CCSER1: variants seen among roughly 807,000 people sequenced by gnomAD.
CCSER1 encodes serine-rich coiled-coil domain-containing protein 1.
Under a neutral mutation model 82.0 loss-of-function variants are expected in CCSER1, and 41 were observed. That is an observed-to-expected ratio of 0.50 (90% CI 0.39 to 0.65). The LOEUF (loss-of-function observed/expected upper bound fraction) is 0.65. Among genes scored for constraint, CCSER1 ranks in the 30% least tolerant of loss-of-function variants. The pLI is 0.00. For missense variants in CCSER1, 1,119 were observed against 1,064.2 expected (o/e 1.05, Z -0.72); for synonymous variants, 414 against 383.9 (o/e 1.08, Z -0.92).
chr4:90,348,883 G>C (rs939753347), intron 3 of CCSER1, among the ~76,000 whole-genome samples: 1 of 152,002 alleles, frequency 6.6e-6, no homozygotes, highest in African/African-American at 2.4e-5. Context: ...CTGGAATGTG[G>C]CTTTGTCCAT....
chr4:90,346,999 A>G (rs192923229), intron 3 of CCSER1, among the ~76,000 whole-genome samples: 21 of 152,210 alleles, frequency 1.4e-4, no homozygotes, highest in Middle Eastern at 3.4e-3. Context: ...TCTATGCCCT[A>G]TGCAGGTGAA....
At chr4:90,915,620 T>C (rs1468192270) in intron 8 of CCSER1, among the ~76,000 whole-genome samples, 3 of 152,090 alleles carry the variant, frequency 2.0e-5, no homozygotes, top group African/African-American at 7.2e-5. Context: ...AGGGATGCCC[T>C]CTCTCACCAC....
At chr4:90,715,395 C>G (rs1741454877) in intron 6 of CCSER1, among the ~76,000 whole-genome samples, 1 of 151,886 alleles carries the variant, frequency 6.6e-6, no homozygotes, top group Non-Finnish European at 1.5e-5. Flanking sequence ...TTGCCATAGC[C>G]TAGTAATTTG....
At chr4:91,282,836 T>C (rs991804099) in intron 10 of CCSER1, among the ~76,000 whole-genome samples, 1 of 152,140 alleles carries the variant, frequency 6.6e-6, no homozygotes, top group Non-Finnish European at 1.5e-5. Flanking sequence ...AAAAACTTAA[T>C]GGTTCTTTAA....
chr4:91,463,181 A>G (rs953194049), intron 10 of CCSER1, among the ~76,000 whole-genome samples: 5 of 152,226 alleles, frequency 3.3e-5, no homozygotes, highest in Admixed American at 3.3e-4. Context: ...ATGATCAGGC[A>G]GCAACATTTG....
chr4:91,498,775 CT>C (rs1325509170), intron 10 of CCSER1, among the ~76,000 whole-genome samples: 1 of 151,762 alleles, frequency 6.6e-6, no homozygotes, highest in Non-Finnish European at 1.5e-5. Context: ...TTTTTATGCA[CT>C]TTTCTCATAA....
chr4:90,536,458 T>A (rs116102123), intron 5 of CCSER1, among the ~76,000 whole-genome samples: 2,132 of 152,318 alleles, frequency 0.014, 52 homozygotes, highest in African/African-American at 0.048. Flanking sequence ...AACATACTCA[T>A]GGCTCATCCA....
chr4:90,173,219 A>T (rs567239546), intron 1 of CCSER1, among the ~76,000 whole-genome samples: 1 of 151,976 alleles, frequency 6.6e-6, no homozygotes, highest in South Asian at 2.1e-4. Context: ...ATATTGCTGA[A>T]GAAGTGCTAC....
chr4:90,308,421 C>T lies in CCSER1; in HGVS notation c.137C>T (p.Pro46Leu). Residue 46 changes from proline (P) to leucine (L), a missense_variant, in exon 2 of 11, where the codon CCT becomes CTT. Coordinates refer to ENST00000509176, the MANE Select transcript of CCSER1 (RefSeq NM_001145065.2). Reference protein sequence around the residue: ...SNTVGVHSSSPSSTNSSSGST... With the variant: ...SNTVGVHSSSLSSTNSSSGST... ...ACAGTTGGTGTCCACAGTTCCTCTCCTTCCAGCACTAACTCAAGCTCAGGT... is the reference window on the plus strand; with the variant it reads ...ACAGTTGGTGTCCACAGTTCCTCTCTTTCCAGCACTAACTCAAGCTCAGGT... 6.2e-7 allele frequency: 1 copy of T among 1,613,850 alleles called. No individual in the cohort carries two copies. The highest frequency in any genetic ancestry group is 8.5e-7 in the Non-Finnish European group (1 of 1,179,832).
At chr4:91,478,266 A>G (rs970918940) in intron 10 of CCSER1, among the ~76,000 whole-genome samples, 2 of 151,892 alleles carry the variant, frequency 1.3e-5, no homozygotes, top group East Asian at 1.9e-4. Flanking sequence ...CTATTCAACT[A>G]CATTTTAGCT....
intron 6 of CCSER1, among the ~76,000 whole-genome samples, chr4:90,715,391 T>C (rs1399421): frequency 0.23 from 34,366 of 151,896 alleles, 4,909 homozygotes; most frequent in African/African-American, 0.4. Context: ...TGCCTTGCCA[T>C]AGCCTAGTAA....
At chr4:90,665,528 AG>A (rs1330195989) in intron 6 of CCSER1, among the ~76,000 whole-genome samples, 1 of 151,934 alleles carries the variant, frequency 6.6e-6, no homozygotes, top group Non-Finnish European at 1.5e-5. Flanking sequence ...TCACTGTGTT[AG>A]CCAGGATGGT....
At chr4:90,507,538 A>G (rs1246424827) in intron 5 of CCSER1, among the ~76,000 whole-genome samples, 1 of 152,084 alleles carries the variant, frequency 6.6e-6, no homozygotes, top group Non-Finnish European at 1.5e-5. Flanking sequence ...ATATATATGT[A>G]TCATATATAG....
At chr4:91,345,790 G>A (rs796877069) in intron 10 of CCSER1, among the ~76,000 whole-genome samples, 3 of 152,200 alleles carry the variant, frequency 2.0e-5, no homozygotes, top group African/African-American at 7.2e-5. Context: ...AGAGTATTAT[G>A]TAGGACAGTT....
intron 10 of CCSER1, among the ~76,000 whole-genome samples, chr4:91,229,348 T>A (rs1189201022): frequency 6.6e-6 from 1 of 151,792 alleles, no homozygotes; most frequent in African/African-American, 2.4e-5. Context: ...TAGATATGTT[T>A]TGAATTAAAA....
chr4:91,464,378 G>A (rs920753725), intron 10 of CCSER1, among the ~76,000 whole-genome samples: 10 of 152,068 alleles, frequency 6.6e-5, no homozygotes, highest in African/African-American at 1.2e-4. Flanking sequence ...AGGAACAACC[G>A]GTACCAGCCA....
chr4:90,336,604 G>A (rs183767190), intron 3 of CCSER1, among the ~76,000 whole-genome samples: 1 of 152,130 alleles, frequency 6.6e-6, no homozygotes, highest in Non-Finnish European at 1.5e-5. Context: ...CATTATGTGA[G>A]AAGAACTACA....
intron 1 of CCSER1, among the ~76,000 whole-genome samples, chr4:90,182,316 A>G (rs987778461): frequency 2.0e-5 from 3 of 152,148 alleles, no homozygotes; most frequent in African/African-American, 2.4e-5. Context: ...CCTAAAAAAT[A>G]GAAATTAGGT....
chr4:91,109,221 C>A (rs1156665518), intron 10 of CCSER1, among the ~76,000 whole-genome samples: 3 of 152,144 alleles, frequency 2.0e-5, no homozygotes, highest in African/African-American at 7.2e-5. Context: ...AGGTCACAGA[C>A]AGACTAGCAA....
Sources: allele counts gnomAD v4.1 joint callset (sites outside exome capture counted in the v4.1 genomes callset), GRCh38; gene constraint gnomAD v4.1.1; transcripts MANE v1.5; gene names NCBI Gene and HGNC (gene_info 2026-07-23, HGNC 2026-07-21).